OSBPL6: variants seen among roughly 807,000 people sequenced by gnomAD.
The protein encoded by OSBPL6 is oxysterol binding protein like 6.
A neutral mutation model predicts 125.8 loss-of-function variants in OSBPL6; 49 were observed. The observed-to-expected ratio is 0.39, with a 90% CI of 0.31 to 0.49. The LOEUF (loss-of-function observed/expected upper bound fraction) is 0.49, where lower values mean the gene tolerates loss of function less well. OSBPL6 is among the 20% of genes least tolerant of loss of function. The pLI, the probability that OSBPL6 is intolerant of heterozygous loss-of-function variation, is 0.88. For missense variants in OSBPL6, 986 were observed against 1,135.4 expected (o/e 0.87, Z 1.89); for synonymous variants, 394 against 391.8 (o/e 1.01, Z -0.07).
chr2:178,286,102 T>C (rs924890514), intron 2 of OSBPL6, among the ~76,000 whole-genome samples: 1 of 152,210 alleles, frequency 6.6e-6, no homozygotes, highest in Non-Finnish European at 1.5e-5. Context: ...ACAGGCCAAA[T>C]TTTTTGCTAA....
At chr2:178,320,924 C>T (rs1378499683) in intron 3 of OSBPL6, among the ~76,000 whole-genome samples, 1 of 152,144 alleles carries the variant, frequency 6.6e-6, no homozygotes. Context: ...CTTTGGGAGG[C>T]CGAGGCGGGT....
chr2:178,274,649 C>T (rs1003655361), intron 1 of OSBPL6, among the ~76,000 whole-genome samples: 1 of 151,556 alleles, frequency 6.6e-6, no homozygotes, highest in Non-Finnish European at 1.5e-5. Context: ...TAAGGGTGTC[C>T]CTAGATTTAA....
intron 3 of OSBPL6, among the ~76,000 whole-genome samples, chr2:178,322,840 T>A (rs1346090720): frequency 1.3e-5 from 2 of 152,032 alleles, no homozygotes; most frequent in African/African-American, 4.8e-5. Flanking sequence ...ACTTGTATCT[T>A]TGATCTTTAC....
intron 1 of OSBPL6, among the ~76,000 whole-genome samples, chr2:178,204,512 C>T (rs931873578): frequency 1.1e-4 from 17 of 152,182 alleles, no homozygotes; most frequent in Non-Finnish European, 1.2e-4. Flanking sequence ...CTAGTGTAGT[C>T]TTTCTTAGGA....
In OSBPL6 at chr2:178,350,192, C is replaced by T. The variant is rs371191445; in HGVS notation, c.1153+803C>T. On this transcript the variant is annotated intron_variant, in intron 12 of 24. Coordinates refer to ENST00000190611, the MANE Select transcript of OSBPL6 (RefSeq NM_032523.4). ...TATAAATTAAATTGTTATAATCAGC[C>T]GCAGAGAGTAGGCTATGGTAAATAA... Among the ~76,000 whole-genome samples the T allele has an allele frequency of 8.5e-5, 13 of 152,134 alleles. No homozygotes were observed. The South Asian group carries it at 2.1e-3, about 24-fold the overall frequency.
rs562468497 is a variant in OSBPL6, at chr2:178,236,930, T to G, written c.-351+42256T>G. On this transcript the variant is annotated intron_variant, in intron 1 of 24. Coordinates refer to ENST00000190611, the MANE Select transcript of OSBPL6 (RefSeq NM_032523.4). ...CTTCCTGTCTTCTCTGTTCTTCTGG[T>G]TTGGGTTTCATGGCCTTAGCTTGGA... 2.0e-5 allele frequency among the ~76,000 whole-genome samples: 3 copies of G among 152,276 alleles called. No homozygotes were observed. In the East Asian group the frequency reaches 5.8e-4, roughly 29 times the overall value.
chr2:178,215,440 A>G (rs1316872989), intron 1 of OSBPL6, among the ~76,000 whole-genome samples: 2 of 152,154 alleles, frequency 1.3e-5, no homozygotes, highest in Non-Finnish European at 2.9e-5. Flanking sequence ...AGGGCAGGGC[A>G]GTGGAGATGA....
intron 15 of OSBPL6, among the ~76,000 whole-genome samples, chr2:178,376,443 T>C (rs1693882566): frequency 6.6e-6 from 1 of 152,124 alleles, no homozygotes; most frequent in African/African-American, 2.4e-5. Context: ...TTTGTACATC[T>C]TCCTGCAGCT....
chr2:178,228,029 A>G (rs2090635660), intron 1 of OSBPL6, among the ~76,000 whole-genome samples: 1 of 152,166 alleles, frequency 6.6e-6, no homozygotes, highest in African/African-American at 2.4e-5. Flanking sequence ...AGAATAAAAG[A>G]AGAAAAAAAA....
intron 16 of OSBPL6, chr2:178,382,738 C>G: frequency 6.9e-7 from 1 of 1,440,346 alleles, no homozygotes; most frequent in Non-Finnish European, 9.1e-7. Flanking sequence ...CTCAAACCAA[C>G]AGCTTGAGTC....
At chr2:178,206,692 G>A (rs897782978) in intron 1 of OSBPL6, among the ~76,000 whole-genome samples, 1 of 152,050 alleles carries the variant, frequency 6.6e-6, no homozygotes, top group Non-Finnish European at 1.5e-5. Context: ...TCGGCTCACT[G>A]CAACCTCTGC....
chr2:178,382,311 ACC>A, intron 15 of OSBPL6, 107 bp from the exon 16 acceptor site: 1 of 1,340,164 alleles, frequency 7.5e-7, no homozygotes, highest in South Asian at 1.5e-5. Context: ...TCCCTCTAGG[ACC>A]TCTGCTTCTC....
chr2:178,283,720 A>G (rs2154032258), intron 1 of OSBPL6, among the ~76,000 whole-genome samples: 1 of 152,352 alleles, frequency 6.6e-6, no homozygotes, highest in Middle Eastern at 3.4e-3. Flanking sequence ...TATAAGAAGC[A>G]CGGTGCTAGC....
At chr2:178,284,743 T>TA (rs1208431771) in intron 1 of OSBPL6, among the ~76,000 whole-genome samples, 184 bp from the exon 2 acceptor site, 6 of 152,230 alleles carry the variant, frequency 3.9e-5, no homozygotes, top group African/African-American at 1.4e-4. Context: ...GGTCAGTGGT[T>TA]ACGTCTTTGA....
At chr2:178,368,580 G>T (rs1174469245) in intron 13 of OSBPL6, among the ~76,000 whole-genome samples, 1 of 151,830 alleles carries the variant, frequency 6.6e-6, no homozygotes, top group Non-Finnish European at 1.5e-5. Flanking sequence ...TACTTAAAAT[G>T]GAACCAAACT....
intron 1 of OSBPL6, among the ~76,000 whole-genome samples, chr2:178,243,452 G>T (rs1461927562): frequency 2.0e-5 from 3 of 152,084 alleles, no homozygotes; most frequent in African/African-American, 4.8e-5. Context: ...TGTTGTAGGG[G>T]CCACTCCATT....
intron 1 of OSBPL6, among the ~76,000 whole-genome samples, chr2:178,244,883 CAT>C (rs1284406842): frequency 6.6e-6 from 1 of 152,182 alleles, no homozygotes; most frequent in Non-Finnish European, 1.5e-5. Flanking sequence ...ATTTTCTCCA[CAT>C]GTGTTACTTT....
At chr2:178,247,968 G>A (rs1466233478) in intron 1 of OSBPL6, among the ~76,000 whole-genome samples, 1 of 152,184 alleles carries the variant, frequency 6.6e-6, no homozygotes, top group East Asian at 1.9e-4. Context: ...TGAGTCTTTT[G>A]AAGATACTTG....
intron 1 of OSBPL6, among the ~76,000 whole-genome samples, chr2:178,280,705 C>CT (rs1328709050): frequency 1.3e-5 from 2 of 152,188 alleles, no homozygotes; most frequent in Non-Finnish European, 2.9e-5. Context: ...ATTTTAAACT[C>CT]TAACACACAG....
Sources: allele counts gnomAD v4.1 joint callset (sites outside exome capture counted in the v4.1 genomes callset), GRCh38; gene constraint gnomAD v4.1.1; transcripts MANE v1.5; gene names NCBI Gene and HGNC (gene_info 2026-07-23, HGNC 2026-07-21).